The following ADGRL3 variants were observed in gnomAD, a reference collection of about 807,000 sequenced individuals.
ADGRL3 encodes the protein calcium-independent alpha-latrotoxin receptor 3.
Under a neutral mutation model 153.5 loss-of-function variants are expected in ADGRL3, and 62 were observed. That is an observed-to-expected ratio of 0.40 (90% CI 0.33 to 0.50). The LOEUF is 0.50. Ranked by LOEUF, ADGRL3 falls within the 20% of genes least tolerant of loss-of-function variation. The pLI is 0.47. For synonymous variants in ADGRL3, 710 were observed against 672.5 expected (o/e 1.06, Z -0.86); for missense variants, 1,641 against 1,859.4 (o/e 0.88, Z 2.16).
rs190169248 is a variant in ADGRL3 at position 61,760,923 on chromosome 4, G to T, written c.1399+27369G>T. Among the ~76,000 whole-genome samples, 14 of 152,308 alleles carry T rather than the reference G, an allele frequency of 9.2e-5. No homozygotes were observed. The East Asian group carries it at 2.7e-3, about 29-fold the overall frequency. On this transcript the variant is annotated intron_variant, in intron 8 of 26. Coordinates refer to ENST00000683033, the MANE Select transcript of ADGRL3 (RefSeq NM_001387552.1). Reference sequence around the variant, plus strand: ...TCAGATCAGTCTCCCCAAGCATTTGGGTGTCAGAGTTTCTAAGGACGACTT... The same window carrying T: ...TCAGATCAGTCTCCCCAAGCATTTGTGTGTCAGAGTTTCTAAGGACGACTT...
intron 22 of ADGRL3, 44 bp from the exon 23 acceptor site, chr4:62,031,398 A>G: frequency 6.8e-7 from 1 of 1,476,332 alleles, no homozygotes; most frequent in Non-Finnish European, 9.2e-7. Flanking sequence ...TGTTAATTAA[A>G]GATCAATTAT....
intron 9 of ADGRL3, among the ~76,000 whole-genome samples, chr4:61,839,509 A>G (rs2097992966): frequency 2.0e-5 from 3 of 151,902 alleles, no homozygotes; most frequent in Admixed American, 2.0e-4. Context: ...TGATTCTTAA[A>G]CTAAGAGGAA....
Position 61,387,498 on chromosome 4 carries a change from A to C in ADGRL3, c.-174+4309A>C, listed in dbSNP as rs143167201. Reference sequence around the variant, plus strand: ...TCTGCAGCCTCGACCATAAGAGACGACCACGCCCCAGGGGGACCAGTTTAG... The same window carrying C: ...TCTGCAGCCTCGACCATAAGAGACGCCCACGCCCCAGGGGGACCAGTTTAG... On this transcript the variant is annotated intron_variant, in intron 2 of 26. Coordinates refer to ENST00000683033, the MANE Select transcript of ADGRL3 (RefSeq NM_001387552.1). 8.1e-3 allele frequency among the ~76,000 whole-genome samples: 1,230 copies of C among 152,138 alleles called. 11 individuals are homozygous for C. Among genetic ancestry groups the C allele is most frequent in the African/African-American group, 0.028 (1,179 of 41,492 alleles).
intron 2 of ADGRL3, among the ~76,000 whole-genome samples, chr4:61,413,594 G>C (rs149809784): frequency 6.6e-6 from 1 of 152,138 alleles, no homozygotes; most frequent in Non-Finnish European, 1.5e-5. Flanking sequence ...GAGTAGTGCA[G>C]TGTTTATCTA....
intron 6 of ADGRL3, among the ~76,000 whole-genome samples, chr4:61,709,524 T>C (rs1165413018): frequency 6.6e-6 from 1 of 152,010 alleles, no homozygotes; most frequent in African/African-American, 2.4e-5. Context: ...GCCAAGGAGG[T>C]AGAGATCTTT....
chr4:61,842,563 T>G (rs1448860051), intron 9 of ADGRL3, among the ~76,000 whole-genome samples: 3 of 152,096 alleles, frequency 2.0e-5, no homozygotes, highest in African/African-American at 7.2e-5. Flanking sequence ...GGACTGTGAA[T>G]TATCTTCCCC....
At chr4:61,900,571 A>C (rs1453209452) in intron 11 of ADGRL3, among the ~76,000 whole-genome samples, 1 of 152,174 alleles carries the variant, frequency 6.6e-6, no homozygotes, top group Non-Finnish European at 1.5e-5. Context: ...GCAGAAGAGA[A>C]AGGAGAAAAG....
chr4:61,814,564 A>G (rs549432363), intron 9 of ADGRL3, among the ~76,000 whole-genome samples: 2 of 152,302 alleles, frequency 1.3e-5, no homozygotes, highest in South Asian at 2.1e-4. Context: ...TTTTAATTTT[A>G]TAAATACCAA....
intron 17 of ADGRL3, among the ~76,000 whole-genome samples, chr4:61,951,395 G>A (rs1000204689): frequency 3.9e-5 from 6 of 152,084 alleles, no homozygotes; most frequent in Admixed American, 3.9e-4. Flanking sequence ...CAGGGTTGGG[G>A]GCTCTCTTTC....
intron 5 of ADGRL3, among the ~76,000 whole-genome samples, chr4:61,661,528 A>G (rs1427619522): frequency 6.6e-6 from 1 of 152,100 alleles, no homozygotes; most frequent in Non-Finnish European, 1.5e-5. Flanking sequence ...GTATTCATAC[A>G]AATATTATTA....
intron 8 of ADGRL3, among the ~76,000 whole-genome samples, chr4:61,753,242 AAAAC>A (rs2096779219): frequency 1.3e-5 from 2 of 152,010 alleles, no homozygotes; most frequent in South Asian, 2.1e-4. Flanking sequence ...AAAAAAAAAA[AAAAC>A]AAAGATGAAA....
chr4:61,939,001 C>T (rs1197230573), intron 15 of ADGRL3, among the ~76,000 whole-genome samples: 1 of 151,056 alleles, frequency 6.6e-6, no homozygotes, highest in Non-Finnish European at 1.5e-5. Flanking sequence ...GTAGTTGGGG[C>T]CAGAAATAAG....
At chr4:61,706,485 C>A (rs774443473) in intron 6 of ADGRL3, among the ~76,000 whole-genome samples, 3 of 151,602 alleles carry the variant, frequency 2.0e-5, no homozygotes, top group Non-Finnish European at 2.9e-5. Flanking sequence ...AGTTTAGCTA[C>A]CTTCATCAAT....
chr4:61,663,950 G>A (rs2094696545), intron 5 of ADGRL3, among the ~76,000 whole-genome samples: 1 of 152,174 alleles, frequency 6.6e-6, no homozygotes, highest in Non-Finnish European at 1.5e-5. Context: ...TGTCATCAGA[G>A]TCATTCTAAC....
chr4:61,807,307 A>G (rs1343890929), intron 8 of ADGRL3, among the ~76,000 whole-genome samples: 1 of 145,734 alleles, frequency 6.9e-6, no homozygotes, highest in East Asian at 2.1e-4. Context: ...CAATCTTTGC[A>G]AAAAATAATT....
intron 4 of ADGRL3, among the ~76,000 whole-genome samples, chr4:61,521,531 G>A (rs1489766958): frequency 6.6e-6 from 1 of 152,138 alleles, no homozygotes; most frequent in East Asian, 1.9e-4. Context: ...CAGTCTTCAA[G>A]ACCAATGGAG....
At chr4:61,660,052 A>G (rs541667390) in intron 5 of ADGRL3, among the ~76,000 whole-genome samples, 2 of 152,322 alleles carry the variant, frequency 1.3e-5, no homozygotes, top group South Asian at 2.1e-4. Flanking sequence ...TGTGTGGAAC[A>G]CACCTTAACC....
intron 5 of ADGRL3, among the ~76,000 whole-genome samples, chr4:61,622,667 T>G (rs902558118): frequency 3.3e-5 from 5 of 152,200 alleles, no homozygotes; most frequent in African/African-American, 1.2e-4. Flanking sequence ...GCACTTTATG[T>G]GGATTATCTC....
At chr4:62,061,376 A>G (rs1185253106) in intron 25 of ADGRL3, among the ~76,000 whole-genome samples, 4 of 151,246 alleles carry the variant, frequency 2.6e-5, no homozygotes, top group African/African-American at 9.8e-5. Flanking sequence ...ATATCTTGTG[A>G]AACTATACTG....
Sources: allele counts gnomAD v4.1 joint callset (sites outside exome capture counted in the v4.1 genomes callset), GRCh38; gene constraint gnomAD v4.1.1; transcripts MANE v1.5; gene names NCBI Gene and HGNC (gene_info 2026-07-23, HGNC 2026-07-21).